KCNH8: variants seen among roughly 807,000 people sequenced by gnomAD.
KCNH8 encodes the protein potassium voltage-gated channel subfamily H member 8, also known as voltage-gated delayed rectifier potassium channel KCNH8.
KCNH8 carries 70 observed loss-of-function variants against 103.6 expected under a neutral mutation model. The ratio of observed to expected loss-of-function variants is 0.68; its 90% CI spans 0.56 to 0.82. The LOEUF (loss-of-function observed/expected upper bound fraction) is 0.82. Among genes scored for constraint, KCNH8 ranks in the 40% least tolerant of loss-of-function variants. KCNH8 has a pLI of 0.00. For synonymous variants in KCNH8, 498 were observed against 489.4 expected (o/e 1.02, Z -0.23); for missense variants, 1,217 against 1,329.9 (o/e 0.92, Z 1.32).
At chr3:19,500,630 C>T (rs2068558876) in intron 11 of KCNH8, among the ~76,000 whole-genome samples, 1 of 152,198 alleles carries the variant, frequency 6.6e-6, no homozygotes, top group Admixed American at 6.5e-5. Context: ...AAGAATCTCA[C>T]TCAAAACCGC....
chr3:19,220,194 T>A (rs1321962015), intron 1 of KCNH8, among the ~76,000 whole-genome samples: 1 of 152,188 alleles, frequency 6.6e-6, no homozygotes, highest in Non-Finnish European at 1.5e-5. Context: ...TTGCTGTTTT[T>A]CATTCTGGCG....
chr3:19,528,091 A>AGGG (rs2069096375), intron 15 of KCNH8, among the ~76,000 whole-genome samples: 2 of 151,968 alleles, frequency 1.3e-5, no homozygotes, highest in Admixed American at 1.3e-4. Flanking sequence ...AAGAAGGAGA[A>AGGG]GGGGGAAGAA....
intron 11 of KCNH8, among the ~76,000 whole-genome samples, chr3:19,497,945 G>C (rs1040442419): frequency 6.6e-6 from 1 of 152,118 alleles, no homozygotes; most frequent in Non-Finnish European, 1.5e-5. Context: ...TATATATTTA[G>C]GATAGTTAGG....
intron 12 of KCNH8, among the ~76,000 whole-genome samples, chr3:19,511,544 G>A (rs1168819387): frequency 2.0e-5 from 3 of 151,944 alleles, no homozygotes; most frequent in East Asian, 1.9e-4. Context: ...TCTTTAGCTG[G>A]GTAAACTGAT....
intron 3 of KCNH8, among the ~76,000 whole-genome samples, chr3:19,288,181 CTTTT>C (rs767659898): frequency 1.0e-4 from 4 of 38,162 alleles, no homozygotes; most frequent in Admixed American, 3.1e-4. Flanking sequence ...TATCAAACTT[CTTTT>C]TTTTTTTTTT....
At chr3:19,245,087 G>A (rs2125247481) in intron 1 of KCNH8, among the ~76,000 whole-genome samples, 1 of 152,190 alleles carries the variant, frequency 6.6e-6, no homozygotes, top group African/African-American at 2.4e-5. Context: ...TTTATAGTTT[G>A]AAGTCTTACA....
intron 15 of KCNH8, among the ~76,000 whole-genome samples, chr3:19,527,488 C>T (rs2069085487): frequency 6.6e-6 from 1 of 151,974 alleles, no homozygotes; most frequent in African/African-American, 2.4e-5. Context: ...TTATTTAATC[C>T]TCACAACAAG....
intron 1 of KCNH8, among the ~76,000 whole-genome samples, chr3:19,190,685 G>T (rs1213666944): frequency 6.6e-6 from 1 of 151,918 alleles, no homozygotes; most frequent in Admixed American, 6.6e-5. Flanking sequence ...TTGGAAATGA[G>T]CTAATTTACT....
At chr3:19,459,450 T>C (rs965396876) in intron 11 of KCNH8, among the ~76,000 whole-genome samples, 2 of 152,030 alleles carry the variant, frequency 1.3e-5, no homozygotes, top group Non-Finnish European at 2.9e-5. Flanking sequence ...TATTGAGTTG[T>C]TTATGTATTT....
chr3:19,182,204 T>C (rs2063460089), intron 1 of KCNH8, among the ~76,000 whole-genome samples: 1 of 152,166 alleles, frequency 6.6e-6, no homozygotes, highest in Non-Finnish European at 1.5e-5. Flanking sequence ...GTGACTTGCT[T>C]TGGCCAATGG....
At chr3:19,336,169 T>A (rs2065582222) in intron 3 of KCNH8, among the ~76,000 whole-genome samples, 1 of 151,812 alleles carries the variant, frequency 6.6e-6, no homozygotes, top group African/African-American at 2.4e-5. Context: ...TTGTAATAGA[T>A]ACATTTTAGG....
At chr3:19,475,436 C>T (rs1232897510) in intron 11 of KCNH8, among the ~76,000 whole-genome samples, 1 of 152,126 alleles carries the variant, frequency 6.6e-6, no homozygotes, top group Non-Finnish European at 1.5e-5. Flanking sequence ...ACTTTGTAAC[C>T]AGGTTGCCAT....
intron 7 of KCNH8, among the ~76,000 whole-genome samples, chr3:19,412,986 C>T (rs1575035677): frequency 6.6e-6 from 1 of 151,990 alleles, no homozygotes; most frequent in Non-Finnish European, 1.5e-5. Flanking sequence ...AACAGAACTA[C>T]CATTTGACCC....
At chr3:19,438,836 A>G (rs2067238416) in intron 8 of KCNH8, among the ~76,000 whole-genome samples, 1 of 152,166 alleles carries the variant, frequency 6.6e-6, no homozygotes, top group Non-Finnish European at 1.5e-5. Context: ...ACTATGGATC[A>G]AGTCTGTTTC....
At chr3:19,448,990 G>A (rs947122565) in intron 8 of KCNH8, 161 of 1,283,772 alleles carry the variant, frequency 1.3e-4, no homozygotes, top group Non-Finnish European at 1.6e-4. Flanking sequence ...AAACCATTTC[G>A]GTTTCATTCT....
rs778361293 is a variant in KCNH8, at chr3:19,518,055, TAAAC to T, written c.2605_2608del (p.Lys869SerfsTer5). ...AAAGCAGAGGAGACCAAGCAGCAGATAAACAAACTCAACAGTGAGGTATGGAGCT... is the reference window on the plus strand; with the variant it reads ...AAAGCAGAGGAGACCAAGCAGCAGATAAACTCAACAGTGAGGTATGGAGCT... On this transcript the variant is annotated frameshift_variant, in exon 15 of 16. Transcript: ENST00000328405. LOFTEE classifies it high-confidence loss of function. 8 of 1,612,032 alleles carry T rather than the reference TAAAC, an allele frequency of 5.0e-6. No individual in the cohort carries two copies. Among genetic ancestry groups the T allele is most frequent in the Admixed American group, 1.7e-5 (1 of 59,820 alleles).
intron 1 of KCNH8, among the ~76,000 whole-genome samples, chr3:19,199,456 T>C (rs1288187778): frequency 6.6e-6 from 1 of 151,900 alleles, no homozygotes; most frequent in Non-Finnish European, 1.5e-5. Flanking sequence ...ATACCAAAAA[T>C]TCTTGTGGTG....
At chr3:19,194,346 T>C (rs985165743) in intron 1 of KCNH8, among the ~76,000 whole-genome samples, 2 of 151,848 alleles carry the variant, frequency 1.3e-5, no homozygotes, top group African/African-American at 4.8e-5. Flanking sequence ...CAAGTGTTAG[T>C]AGATATTTTT....
At chr3:19,256,744 G>GT (rs1165958778) in intron 2 of KCNH8, among the ~76,000 whole-genome samples, 3 of 152,084 alleles carry the variant, frequency 2.0e-5, no homozygotes, top group Non-Finnish European at 4.4e-5. Flanking sequence ...CTTGAGCTCA[G>GT]TTTTTTAATC....
Sources: gnomAD v4.1 joint callset for allele counts (sites outside exome capture counted in the v4.1 genomes callset) on GRCh38, gnomAD v4.1.1 for gene constraint, MANE v1.5 for transcripts, NCBI Gene and HGNC (gene_info 2026-07-23, HGNC 2026-07-21) for gene names.